The following PAK5 variants were observed in gnomAD, a reference collection of about 807,000 sequenced individuals.
The protein encoded by PAK5 is p21 (RAC1) activated kinase 5, also known as serine/threonine-protein kinase PAK 5.
Under a neutral mutation model 65.9 loss-of-function variants are expected in PAK5, and 16 were observed. The ratio of observed to expected loss-of-function variants is 0.24; its 90% CI spans 0.16 to 0.37. PAK5 has a LOEUF of 0.37. Among genes scored for constraint, PAK5 ranks in the 10% least tolerant of loss-of-function variants. The probability of loss-of-function intolerance (pLI) is 1.00; values close to 1 mark genes in which losing one functional copy is unlikely to be tolerated. For synonymous variants in PAK5, 371 were observed against 354.9 expected, an observed-to-expected ratio of 1.05 and a Z score of -0.51; for missense variants, 785 against 903.9, an observed-to-expected ratio of 0.87 and a Z score of 1.69.
At chr20:9,669,717 G>C (rs2047467884) in intron 2 of PAK5, among the ~76,000 whole-genome samples, 1 of 151,870 alleles carries the variant, frequency 6.6e-6, no homozygotes, top group Non-Finnish European at 1.5e-5. Context: ...CCAAGCCTAA[G>C]TTATTATAAA....
intron 2 of PAK5, among the ~76,000 whole-genome samples, chr20:9,688,443 G>A (rs1399545005): frequency 6.6e-6 from 1 of 152,022 alleles, no homozygotes; most frequent in African/African-American, 2.4e-5. Context: ...TGTCCACTCA[G>A]TTGATAACCA....
chr20:9,627,668 TCAGGCTGGAGTGCAGTGGCAC>T (rs2046864479), intron 3 of PAK5, among the ~76,000 whole-genome samples: 1 of 152,064 alleles, frequency 6.6e-6, no homozygotes, highest in Non-Finnish European at 1.5e-5. Flanking sequence ...ACTCTGTCAC[TCAGGCTGGAGTGCAGTGGCAC>T]GATCTCTGCT....
At chr20:9,660,366 C>G (rs757972751) in intron 2 of PAK5, among the ~76,000 whole-genome samples, 42 of 121,686 alleles carry the variant, frequency 3.5e-4, no homozygotes, top group Non-Finnish European at 3.5e-4. Flanking sequence ...TTAGGGCTCT[C>G]TCCATCTTTT....
intron 1 of PAK5, among the ~76,000 whole-genome samples, chr20:9,715,949 GA>G (rs1182338218): frequency 1.3e-5 from 2 of 151,934 alleles, no homozygotes; most frequent in Non-Finnish European, 2.9e-5. Context: ...TAATGTAAAT[GA>G]TGAGTTAATG....
At chr20:9,755,625 C>T (rs1164542713) in intron 1 of PAK5, among the ~76,000 whole-genome samples, 1 of 152,108 alleles carries the variant, frequency 6.6e-6, no homozygotes, top group Non-Finnish European at 1.5e-5. Context: ...AGATGCAAAA[C>T]ACGGCAGTGT....
rs145738353 is a variant in PAK5, at chr20:9,765,330, C to T, written c.-161-53895G>A. Among the ~76,000 whole-genome samples, 201 of 152,186 alleles carry T rather than the reference C, an allele frequency of 1.3e-3. 3 individuals are homozygous for T. In the East Asian group the frequency reaches 0.034, roughly 26 times the overall value. On this transcript the variant is annotated intron_variant, in intron 1 of 9. Transcript: ENST00000353224. ...CCAATAATCTAAAATTTATAATAATCATCTTTGGGTTAGGATAGTAGTTTA... is the reference window on the plus strand; with the variant it reads ...CCAATAATCTAAAATTTATAATAATTATCTTTGGGTTAGGATAGTAGTTTA...
At chr20:9,594,836 C>T (rs1025823856) in intron 3 of PAK5, among the ~76,000 whole-genome samples, 14 of 152,136 alleles carry the variant, frequency 9.2e-5, no homozygotes, top group Non-Finnish European at 1.9e-4. Flanking sequence ...AATTTTGGTC[C>T]ACAACCATTT....
At chr20:9,665,831 A>G (rs572706132) in intron 2 of PAK5, among the ~76,000 whole-genome samples, 3 of 151,952 alleles carry the variant, frequency 2.0e-5, no homozygotes, top group Admixed American at 1.3e-4. Context: ...CTTGCCCTGC[A>G]CTTGGCCCCT....
intron 1 of PAK5, among the ~76,000 whole-genome samples, chr20:9,816,640 G>T (rs2049360597): frequency 6.6e-6 from 1 of 152,120 alleles, no homozygotes; most frequent in South Asian, 2.1e-4. Flanking sequence ...TTCTGACTCA[G>T]ATTGGAATCC....
intron 1 of PAK5, among the ~76,000 whole-genome samples, chr20:9,751,004 A>C (rs573873766): frequency 6.6e-6 from 1 of 152,298 alleles, no homozygotes; most frequent in Admixed American, 6.5e-5. Context: ...CTCCCAAAAC[A>C]AGTTCTCCCA....
chr20:9,823,486 C>T (rs2049447413), intron 1 of PAK5, among the ~76,000 whole-genome samples: 1 of 152,132 alleles, frequency 6.6e-6, no homozygotes. Context: ...ATACTGTTCT[C>T]TTGGTAGTGA....
At chr20:9,767,619 G>A (rs1039743397) in intron 1 of PAK5, among the ~76,000 whole-genome samples, 1 of 152,116 alleles carries the variant, frequency 6.6e-6, no homozygotes. Context: ...CCCATTTCCA[G>A]GCAATATTTA....
At chr20:9,578,103 C>A (rs2045918799) in intron 4 of PAK5, among the ~76,000 whole-genome samples, 1 of 152,106 alleles carries the variant, frequency 6.6e-6, no homozygotes, top group South Asian at 2.1e-4. Context: ...ATAACATACG[C>A]CCAAATAATA....
Position 9,539,141 on chromosome 20 carries a change from A to G in PAK5, c.*321T>C, listed in dbSNP as rs2045217171. 1 of 249,624 alleles carries G rather than the reference A, an allele frequency of 4.0e-6. No homozygotes were observed. Among genetic ancestry groups the G allele is most frequent in the East Asian group, 5.8e-5 (1 of 17,200 alleles). 15.5% of individuals were successfully genotyped at this position (249,624 alleles called of 1,614,324 possible). ...ATTCTTTCAATATAGAAAATCCTAC[A>G]TGTTACCCTGCATGTGGCTAGGATA... On this transcript the variant is annotated 3_prime_UTR_variant, in exon 10 of 10. Transcript: ENST00000353224.
At position 9,783,480 on chromosome 20, in the gene PAK5, GT is replaced by G. The variant is rs1206150692; in HGVS notation, c.-162+55281del. Reference sequence around the variant, plus strand: ...GCACCGTGTGATATTCTGAATTTCTGTTTCATCATTCTAACCAAGGAGGCAG... The same window carrying G: ...GCACCGTGTGATATTCTGAATTTCTGTTCATCATTCTAACCAAGGAGGCAG... On this transcript the variant is annotated intron_variant, in intron 1 of 9. Coordinates refer to ENST00000353224, the MANE Select transcript of PAK5 (RefSeq NM_177990.4). Among the ~76,000 whole-genome samples the G allele has an allele frequency of 2.6e-5, 4 of 152,026 alleles. No homozygotes were observed. The East Asian group carries it at 7.8e-4, about 29-fold the overall frequency.
intron 2 of PAK5, among the ~76,000 whole-genome samples, chr20:9,674,203 A>C (rs998294134): frequency 3.3e-5 from 5 of 152,168 alleles, no homozygotes; most frequent in African/African-American, 1.2e-4. Context: ...GTCTGCTTCT[A>C]CTGTGGCCTA....
intron 2 of PAK5, among the ~76,000 whole-genome samples, chr20:9,686,417 C>G (rs763729599): frequency 2.7e-4 from 41 of 152,094 alleles, no homozygotes; most frequent in Non-Finnish European, 5.7e-4. Context: ...TATTTTGAGA[C>G]AGGCTCTTGC....
chr20:9,655,516 A>G (rs1398378542), intron 2 of PAK5, among the ~76,000 whole-genome samples: 1 of 151,820 alleles, frequency 6.6e-6, no homozygotes, highest in Non-Finnish European at 1.5e-5. Context: ...ACTTGCTTCT[A>G]AAGTCTCCAT....
At chr20:9,809,236 T>C (rs1021701950) in intron 1 of PAK5, among the ~76,000 whole-genome samples, 2 of 151,884 alleles carry the variant, frequency 1.3e-5, no homozygotes, top group African/African-American at 4.8e-5. Flanking sequence ...TCACACCAGA[T>C]CTCTCAAATC....
Sources: gnomAD v4.1 joint callset for allele counts (sites outside exome capture counted in the v4.1 genomes callset) on GRCh38, gnomAD v4.1.1 for gene constraint, MANE v1.5 for transcripts, NCBI Gene and HGNC (gene_info 2026-07-23, HGNC 2026-07-21) for gene names.